The following TMCC1 variants were observed in gnomAD, a reference collection of about 807,000 sequenced individuals.
The protein encoded by TMCC1 is transmembrane and coiled-coil domains protein 1.
In TMCC1, 15 loss-of-function variants were observed where a neutral mutation model predicts 52.4. The observed-to-expected ratio is 0.29, with a 90% confidence interval of 0.19 to 0.44. The LOEUF is 0.44. Among genes scored for constraint, TMCC1 ranks in the 20% least tolerant of loss-of-function variants. TMCC1 has a pLI of 1.00. For missense variants in TMCC1, 503 were observed against 806.0 expected, an observed-to-expected ratio of 0.62 and a Z score of 4.55; for synonymous variants, 279 against 301.9, an observed-to-expected ratio of 0.92 and a Z score of 0.79.
At chr3:129,707,531 T>G (rs992525689) in intron 4 of TMCC1, among the ~76,000 whole-genome samples, 4 of 152,256 alleles carry the variant, frequency 2.6e-5, no homozygotes, top group Admixed American at 6.5e-5. Context: ...TGCTACTGAC[T>G]TTGGCAGTCA....
At chr3:129,675,755 A>G (rs191882147) in intron 4 of TMCC1, among the ~76,000 whole-genome samples, 3 of 152,272 alleles carry the variant, frequency 2.0e-5, no homozygotes, top group Admixed American at 2.0e-4. Flanking sequence ...ACAACATTAC[A>G]GGCTAGGCGC....
At chr3:129,782,843 T>C (rs143792630) in intron 4 of TMCC1, among the ~76,000 whole-genome samples, 25 of 152,328 alleles carry the variant, frequency 1.6e-4, no homozygotes, top group African/African-American at 4.8e-4. Flanking sequence ...TGGAAGCTAA[T>C]AGAATCTTCC....
chr3:129,759,588 T>TA (rs2053324708), intron 4 of TMCC1, among the ~76,000 whole-genome samples: 1 of 150,102 alleles, frequency 6.7e-6, no homozygotes, highest in Non-Finnish European at 1.5e-5. Flanking sequence ...TTTGAGAGTT[T>TA]TTTTTTTTTT....
At chr3:129,867,265 T>C (rs977451863) in intron 2 of TMCC1, among the ~76,000 whole-genome samples, 4 of 152,150 alleles carry the variant, frequency 2.6e-5, no homozygotes, top group Admixed American at 2.6e-4. Context: ...GAAACACAAA[T>C]GTACGATTCA....
chr3:129,655,273 A>G (rs1163690644), intron 5 of TMCC1, among the ~76,000 whole-genome samples, 170 bp from the exon 6 acceptor site: 2 of 152,186 alleles, frequency 1.3e-5, no homozygotes, highest in South Asian at 2.1e-4. Flanking sequence ...GTCTCTGGAA[A>G]AGATAGCTTG....
At position 129,654,978 on chromosome 3, in the gene TMCC1, C is replaced by T. The variant is rs765655453; in HGVS notation, c.1637G>A (p.Arg546Gln). 3.4e-5 allele frequency: 55 copies of T among 1,613,854 alleles called. No individual in the cohort carries two copies. Among genetic ancestry groups the T allele is most frequent in the Non-Finnish European group, 4.5e-5 (53 of 1,179,994 alleles). The change falls in exon 6 of 7, where the codon CGG becomes CAG. Residue 546 changes from arginine to glutamine, a missense_variant. Around this residue, in one of 7 missense-constraint regions of TMCC1, gnomAD observed 121 missense variants for 193.6 expected, o/e 0.62. Transcript: ENST00000393238. ...KIAYQSYERA[R>Q]DIQEALEACQ... ...TTCCTTCATACTAACCTGGATGTCC[C>T]GGGCCCGTTCATAGGACTGATACGC...
rs922466297 is a variant in TMCC1 at position 129,761,308 on chromosome 3, A to G, written c.576+66495T>C. ...GCGCCACTGCACTCCAGCCTGGGCG[A>G]CAGAGCGAGACTCCGTCTCAAAAAA... On this transcript the variant is annotated intron_variant, in intron 4 of 6. Coordinates refer to ENST00000393238, the MANE Select transcript of TMCC1 (RefSeq NM_001017395.5). 5.8e-5 allele frequency among the ~76,000 whole-genome samples: 8 copies of G among 137,138 alleles called. No homozygotes were observed. In the South Asian group the frequency reaches 2.0e-3, roughly 34 times the overall value. The allele number at this position is 137,138 out of a possible 152,430, so 90.0% of individuals were successfully genotyped here.
chr3:129,884,975 C>T (rs1236515621), intron 1 of TMCC1, among the ~76,000 whole-genome samples: 1 of 151,598 alleles, frequency 6.6e-6, no homozygotes. Flanking sequence ...CTCATCTCTA[C>T]AAAAAATGCA....
chr3:129,878,912 G>A (rs1348989880), intron 2 of TMCC1, among the ~76,000 whole-genome samples: 2 of 152,170 alleles, frequency 1.3e-5, no homozygotes, highest in East Asian at 1.9e-4. Flanking sequence ...CCTCAGGCAA[G>A]CTTCTGTCTC....
intron 2 of TMCC1, among the ~76,000 whole-genome samples, chr3:129,840,576 T>C (rs2059379152): frequency 1.3e-5 from 2 of 152,086 alleles, no homozygotes; most frequent in African/African-American, 4.8e-5. Context: ...TCATCTTGAA[T>C]TGTAATCCAC....
intron 4 of TMCC1, among the ~76,000 whole-genome samples, chr3:129,820,681 C>T (rs867370857): frequency 5.3e-5 from 8 of 152,182 alleles, no homozygotes; most frequent in South Asian, 4.1e-4. Context: ...TAAAGAAAGG[C>T]TCAAAAGGAG....
chr3:129,760,881 G>A (rs918088739), intron 4 of TMCC1, among the ~76,000 whole-genome samples: 1 of 152,078 alleles, frequency 6.6e-6, no homozygotes, highest in African/African-American at 2.4e-5. Flanking sequence ...CAAAGTGCTA[G>A]AATTACAGGT....
chr3:129,779,963 A>T (rs995878110), intron 4 of TMCC1, among the ~76,000 whole-genome samples: 2 of 152,084 alleles, frequency 1.3e-5, no homozygotes, highest in Non-Finnish European at 2.9e-5. Context: ...TTATTCAATC[A>T]TATTTCTGAT....
intron 4 of TMCC1, among the ~76,000 whole-genome samples, chr3:129,722,570 A>G (rs1208402582): frequency 3.3e-5 from 5 of 152,184 alleles, no homozygotes; most frequent in Non-Finnish European, 7.3e-5. Context: ...CAGCAAATAA[A>G]ATCAATTAAA....
chr3:129,793,480 G>T (rs901311274), intron 4 of TMCC1, among the ~76,000 whole-genome samples: 1 of 152,128 alleles, frequency 6.6e-6, no homozygotes, highest in Non-Finnish European at 1.5e-5. Context: ...CTGTATTCAG[G>T]GAATGAACTG....
intron 2 of TMCC1, among the ~76,000 whole-genome samples, chr3:129,876,326 G>C (rs2061212696): frequency 6.7e-6 from 1 of 148,950 alleles, no homozygotes; most frequent in Admixed American, 6.7e-5. Flanking sequence ...TAAGTGTGAA[G>C]AGGTTCTCAC....
chr3:129,869,239 G>A (rs1210320860), intron 2 of TMCC1: 1 of 152,140 alleles, frequency 6.6e-6, no homozygotes, highest in Non-Finnish European at 1.5e-5. Flanking sequence ...TTCCCAGGTA[G>A]TGAATACATG....
At chr3:129,775,229 G>A (rs1032739634) in intron 4 of TMCC1, among the ~76,000 whole-genome samples, 7 of 152,130 alleles carry the variant, frequency 4.6e-5, no homozygotes, top group African/African-American at 1.7e-4. Context: ...AGGATCACTT[G>A]AGCCCGCAAG....
intron 4 of TMCC1, among the ~76,000 whole-genome samples, chr3:129,803,535 A>G (rs1054191590): frequency 6.6e-6 from 1 of 152,244 alleles, no homozygotes; most frequent in Non-Finnish European, 1.5e-5. Context: ...AAGCGATACT[A>G]ATTGCATTTC....
Sources: gnomAD v4.1 joint callset for allele counts (sites outside exome capture counted in the v4.1 genomes callset) on GRCh38, gnomAD v4.1.1 for gene constraint, gnomAD v4.1.1 regional missense constraint, MANE v1.5 for transcripts, NCBI Gene and HGNC (gene_info 2026-07-23, HGNC 2026-07-21) for gene names.